ASAP1: variants seen among roughly 807,000 people sequenced by gnomAD.
ASAP1 encodes the protein arf-GAP with SH3 domain, ANK repeat and PH domain-containing protein 1.
In ASAP1, 43 loss-of-function variants were observed where a neutral mutation model predicts 145.2. The observed-to-expected ratio is 0.30, with a 90% CI of 0.23 to 0.38. The LOEUF (loss-of-function observed/expected upper bound fraction) is 0.38. Among genes scored for constraint, ASAP1 ranks in the 10% least tolerant of loss-of-function variants. The pLI is 1.00. For missense variants in ASAP1, 1,018 were observed against 1,355.3 expected (o/e 0.75, Z 3.91); for synonymous variants, 546 against 515.5 (o/e 1.06, Z -0.80).
chr8:130,411,687 T>A (rs1257555195), intron 1 of ASAP1, among the ~76,000 whole-genome samples: 1 of 152,150 alleles, frequency 6.6e-6, no homozygotes, highest in African/African-American at 2.4e-5. Context: ...AATGCCAGCA[T>A]AAAGCAGGTG....
At chr8:130,405,257 A>G (rs1828972188) in intron 1 of ASAP1, among the ~76,000 whole-genome samples, 1 of 147,362 alleles carries the variant, frequency 6.8e-6, no homozygotes, top group African/African-American at 2.6e-5. Context: ...CAAGGGAGAC[A>G]CTGGGCCAGA....
At chr8:130,344,806 GAGGACTGAGCT>G (rs1166249625) in intron 3 of ASAP1, among the ~76,000 whole-genome samples, 1 of 152,126 alleles carries the variant, frequency 6.6e-6, no homozygotes, top group Non-Finnish European at 1.5e-5. Context: ...AAACCACTTG[GAGGACTGAGCT>G]ACTAGCGCAA....
rs549185694 is a variant in ASAP1, at chr8:130,215,838, C to T, written c.260-1137G>A. Among the ~76,000 whole-genome samples, 266 of 151,808 alleles carry T rather than the reference C, an allele frequency of 1.8e-3. 3 individuals are homozygous for T. Among genetic ancestry groups the T allele is most frequent in the Middle Eastern group, 6.8e-3 (2 of 292 alleles). On this transcript the variant is annotated intron_variant, in intron 4 of 29. Coordinates refer to ENST00000518721, the MANE Select transcript of ASAP1 (RefSeq NM_018482.4). The stretch of plus-strand genomic sequence containing the variant: ...TACTTGGGAGGCTGAGGCAGGAGGA[C>T]TGCTGGAGACTGGGAAGTCGAGGCT...
intron 3 of ASAP1, among the ~76,000 whole-genome samples, chr8:130,344,210 A>G (rs1825563003): frequency 6.6e-6 from 1 of 152,252 alleles, no homozygotes; most frequent in Non-Finnish European, 1.5e-5. Context: ...ACAGATTAAA[A>G]GAAATTTGAA....
intron 4 of ASAP1, among the ~76,000 whole-genome samples, chr8:130,226,229 A>C (rs1412188946): frequency 6.6e-6 from 1 of 151,996 alleles, no homozygotes; most frequent in Non-Finnish European, 1.5e-5. Flanking sequence ...CCAATCCAAA[A>C]ACTTAGTGCC....
At chr8:130,274,121 A>G (rs1342238933) in intron 3 of ASAP1, among the ~76,000 whole-genome samples, 2 of 152,222 alleles carry the variant, frequency 1.3e-5, no homozygotes, top group Non-Finnish European at 2.9e-5. Context: ...AATACCTTAT[A>G]TAATCATTTT....
intron 4 of ASAP1, among the ~76,000 whole-genome samples, chr8:130,228,810 A>G (rs1055977531): frequency 2.0e-4 from 31 of 152,226 alleles, no homozygotes; most frequent in African/African-American, 7.5e-4. Flanking sequence ...ACCAGTGGCT[A>G]TTATTTTTTT....
intron 5 of ASAP1, among the ~76,000 whole-genome samples, chr8:130,197,212 G>A (rs1815557099): frequency 6.6e-6 from 1 of 152,252 alleles, no homozygotes; most frequent in South Asian, 2.1e-4. Context: ...TGGTTTGCTT[G>A]AGTTCAGGAG....
At chr8:130,202,063 C>A (rs1178476952) in intron 5 of ASAP1, among the ~76,000 whole-genome samples, 1 of 152,138 alleles carries the variant, frequency 6.6e-6, no homozygotes, top group African/African-American at 2.4e-5. Flanking sequence ...AAAGCCATCT[C>A]TGCTCCCTTT....
chr8:130,221,060 C>T (rs1404689467), intron 4 of ASAP1, among the ~76,000 whole-genome samples: 2 of 152,252 alleles, frequency 1.3e-5, no homozygotes, highest in East Asian at 1.9e-4. Flanking sequence ...GACCATATCA[C>T]CGGTCTCTAC....
intron 1 of ASAP1, among the ~76,000 whole-genome samples, chr8:130,425,526 A>T (rs1201203237): frequency 6.6e-6 from 1 of 152,092 alleles, no homozygotes; most frequent in Non-Finnish European, 1.5e-5. Flanking sequence ...CAAAAAACAC[A>T]AAGAACAAAA....
intron 3 of ASAP1, among the ~76,000 whole-genome samples, chr8:130,347,541 G>A (rs1825767898): frequency 6.6e-6 from 1 of 152,190 alleles, no homozygotes; most frequent in African/African-American, 2.4e-5. Flanking sequence ...TCCCAGCTTT[G>A]CTGTGTGATC....
chr8:130,060,132 C>T (rs1204960149), intron 28 of ASAP1, among the ~76,000 whole-genome samples: 2 of 148,824 alleles, frequency 1.3e-5, no homozygotes, highest in South Asian at 4.3e-4. Flanking sequence ...ATACCCAGAA[C>T]CCCGAGAGGG....
chr8:130,256,742 T>TATATATATATCC (rs1819548765), intron 3 of ASAP1, among the ~76,000 whole-genome samples: 2 of 24,394 alleles, frequency 8.2e-5, no homozygotes, highest in East Asian at 4.3e-3. Flanking sequence ...CACATTCTTA[T>TATATATATATCC]ATATATATAT....
At chr8:130,287,997 C>A (rs544082425) in intron 3 of ASAP1, among the ~76,000 whole-genome samples, 4 of 152,194 alleles carry the variant, frequency 2.6e-5, no homozygotes, top group Non-Finnish European at 5.9e-5. Context: ...GTCAACCAAG[C>A]ACCCATGCAG....
chr8:130,293,295 A>G (rs1040306555), intron 3 of ASAP1, among the ~76,000 whole-genome samples: 14 of 152,230 alleles, frequency 9.2e-5, no homozygotes, highest in Non-Finnish European at 1.3e-4. Flanking sequence ...CAGTGTGAGT[A>G]GCAAAAAATG....
chr8:130,068,613 C>T (rs1368821784), intron 27 of ASAP1, among the ~76,000 whole-genome samples: 1 of 152,154 alleles, frequency 6.6e-6, no homozygotes, highest in African/African-American at 2.4e-5. Context: ...TATTGAACAA[C>T]TGCATATGGG....
chr8:130,231,968 G>A (rs1481153557), intron 4 of ASAP1, among the ~76,000 whole-genome samples: 3 of 152,226 alleles, frequency 2.0e-5, no homozygotes, highest in African/African-American at 4.8e-5. Flanking sequence ...CAGGGCTGCA[G>A]TCACCTGAAA....
chr8:130,299,187 T>C (rs1199170321), intron 3 of ASAP1, among the ~76,000 whole-genome samples: 1 of 152,082 alleles, frequency 6.6e-6, no homozygotes, highest in African/African-American at 2.4e-5. Context: ...CGGATAACAG[T>C]GGCAACGACA....
Sources: gnomAD v4.1 joint callset for allele counts (sites outside exome capture counted in the v4.1 genomes callset) on GRCh38, gnomAD v4.1.1 for gene constraint, MANE v1.5 for transcripts, NCBI Gene and HGNC (gene_info 2026-07-23, HGNC 2026-07-21) for gene names.